CFAP92: variants seen among roughly 807,000 people sequenced by gnomAD.
CFAP92 encodes cilia and flagella associated protein 92 (putative).
A neutral mutation model predicts 106.3 loss-of-function variants in CFAP92; 86 were observed. The observed-to-expected ratio is 0.81, with a 90% CI of 0.68 to 0.97. The LOEUF (loss-of-function observed/expected upper bound fraction) is 0.97. Ranked by LOEUF, CFAP92 falls within the 50% of genes least tolerant of loss-of-function variation. The probability of loss-of-function intolerance (pLI) is 0.00; values close to 1 mark genes in which losing one functional copy is unlikely to be tolerated. For missense variants in CFAP92, 1,204 were observed against 1,283.8 expected, an observed-to-expected ratio of 0.94 and a Z score of 0.95; for synonymous variants, 477 against 506.4, an observed-to-expected ratio of 0.94 and a Z score of 0.78.
In CFAP92 at chr3:128,935,234, C is replaced by T; in HGVS notation, c.2344G>A (p.Ala782Thr). 6.5e-7 allele frequency: 1 copy of T among 1,536,000 alleles called. No homozygotes were observed. The highest frequency in any genetic ancestry group is 8.7e-7 in the Non-Finnish European group (1 of 1,146,806). The change falls in exon 11 of 16, where the codon GCC becomes ACC. Residue 782 changes from alanine (A) to threonine (T), a missense_variant. Transcript: ENST00000645291. Reference protein sequence around the residue: ...FRSRLYGDLEAILYHVHLFQP... With the variant: ...FRSRLYGDLETILYHVHLFQP... ...AAGAGGTGCACGTGGTACAGGATGG[C>T]CTCCAGGTCCCCATAGAGCCGGCTG... is the stretch of plus-strand genomic sequence containing the variant.
chr3:128,991,980 G>A (rs1410298269), intron 2 of CFAP92: 9 of 649,570 alleles, frequency 1.4e-5, no homozygotes, highest in South Asian at 6.7e-5. Flanking sequence ...TCAAAGACTT[G>A]AGGAGTGTTT....
At chr3:128,937,146 C>G (rs1939104384) in intron 10 of CFAP92, among the ~76,000 whole-genome samples, 2 of 151,450 alleles carry the variant, frequency 1.3e-5, no homozygotes, top group Non-Finnish European at 2.9e-5. Context: ...ACAAAAAATA[C>G]AAAAATAATC....
chr3:128,929,711 C>G (rs1466459420), intron 12 of CFAP92, among the ~76,000 whole-genome samples: 1 of 152,170 alleles, frequency 6.6e-6, no homozygotes, highest in Non-Finnish European at 1.5e-5. Context: ...CTGAAATATT[C>G]AGACAAGTCA....
chr3:129,004,150 A>G (rs1445686060), upstream of CFAP92: 7 of 1,371,952 alleles, frequency 5.1e-6, no homozygotes, highest in Admixed American at 3.3e-5. Flanking sequence ...CGGGTGTGCA[A>G]TCCCCCTCCC....
At chr3:128,975,931 A>G (rs768186204) in intron 6 of CFAP92, 28 bp from the exon 7 acceptor site, 1 of 1,581,378 alleles carries the variant, frequency 6.3e-7, no homozygotes, top group Admixed American at 1.9e-5. Flanking sequence ...AGAAAAATTA[A>G]TGAAGGTGAA....
At chr3:128,963,481 C>T (rs1942114510) in intron 9 of CFAP92, among the ~76,000 whole-genome samples, 1 of 152,230 alleles carries the variant, frequency 6.6e-6, no homozygotes, top group East Asian at 1.9e-4. Context: ...CCGGCTCCTT[C>T]AGCTGTACTC....
intron 7 of CFAP92, among the ~76,000 whole-genome samples, chr3:128,974,006 G>A (rs1157693552): frequency 6.6e-6 from 1 of 152,234 alleles, no homozygotes; most frequent in Non-Finnish European, 1.5e-5. Context: ...AATGCTTAAA[G>A]CACATTTTTA....
At chr3:128,993,846 C>T (rs928112735) in intron 1 of CFAP92, 134 bp downstream of exon 1, 3 of 633,402 alleles carry the variant, frequency 4.7e-6, no homozygotes, top group South Asian at 1.2e-4. Context: ...GGCATCAGCT[C>T]AGGCCCATGG....
chr3:128,947,233 A>G (rs1478427577), intron 9 of CFAP92, among the ~76,000 whole-genome samples: 1 of 152,160 alleles, frequency 6.6e-6, no homozygotes, highest in Non-Finnish European at 1.5e-5. Flanking sequence ...CACTGATGAA[A>G]AAAAAAAAAG....
chr3:128,952,294 TAATTAAAATAAA>T (rs1940890381), intron 9 of CFAP92, among the ~76,000 whole-genome samples: 1 of 90,626 alleles, frequency 1.1e-5, no homozygotes, highest in South Asian at 3.2e-4. Context: ...CACATCTAGC[TAATTAAAATAAA>T]AATTAAGAAG....
Position 128,963,998 on chromosome 3 carries a change from T to C in CFAP92, c.1353+1513A>G, listed in dbSNP as rs185356718. Among the ~76,000 whole-genome samples the C allele has an allele frequency of 2.2e-3, 334 of 152,308 alleles. 3 individuals carry two copies. The East Asian group carries it at 0.025, about 11-fold the overall frequency. Reference sequence around the variant, plus strand: ...TCACTGAATAAGTAAAGGCCTTTCCTACAGGGTCTGAGAAGGCCACCGCAG... The same window carrying C: ...TCACTGAATAAGTAAAGGCCTTTCCCACAGGGTCTGAGAAGGCCACCGCAG... On this transcript the variant is annotated intron_variant, in intron 9 of 15. Transcript: ENST00000645291.
the CFAP92 span, among the ~76,000 whole-genome samples, chr3:129,009,953 G>T: frequency 6.6e-6 from 1 of 152,218 alleles, no homozygotes; most frequent in Non-Finnish European, 1.5e-5. Context: ...TTATCCCCAG[G>T]TTCTGTCCGT....
rs1944382721 is a variant in CFAP92, at chr3:128,994,073, G to A, written c.-126C>T. On this transcript the variant is annotated 5_prime_UTR_variant, in exon 1 of 16. Transcript: ENST00000645291. ...AGCCACCTGGGCGAAGAGACTCCAA[G>A]ACTGAGAGGAGCGTCCGCCGGTGCA... is the stretch of plus-strand genomic sequence containing the variant. 6.1e-6 allele frequency: 6 copies of A among 985,968 alleles called. No homozygotes were observed. Among genetic ancestry groups the A allele is most frequent in the Non-Finnish European group, 7.2e-6 (6 of 830,098 alleles). The allele number at this position is 985,968 out of a possible 1,614,324, so 61.1% of individuals were successfully genotyped here. A position where few individuals can be genotyped will look rare whatever the true frequency, so the allele number is the denominator to read the frequency against.
intron 10 of CFAP92, among the ~76,000 whole-genome samples, chr3:128,940,073 C>T (rs1387745703): frequency 2.0e-5 from 3 of 152,134 alleles, no homozygotes; most frequent in Non-Finnish European, 2.9e-5. Flanking sequence ...ATCTTGTGGC[C>T]GGCCGCCTCT....
In CFAP92 at chr3:128,978,252, A is replaced by G. The variant is rs543505917; in HGVS notation, c.668-67T>C. The G allele has an allele frequency of 6.4e-6, 10 of 1,552,044 alleles. No homozygotes were observed. The Admixed American group carries it at 7.4e-5, about 12-fold the overall frequency. ...CAAAATATTTATTGAATTAACTACT[A>G]TGGGCATTTCTTGGAGACACTGGGC... On this transcript the variant is annotated intron_variant, in intron 4 of 15. Transcript: ENST00000645291.
At position 128,961,624 on chromosome 3, in the gene CFAP92, G is replaced by A. The variant is rs565594803; in HGVS notation, c.1353+3887C>T. ...TTTATCCCAAATCAGATAGCGTTTA[G>A]GCTCTTTTTCATCAAATATAAAAAC... is the stretch of plus-strand genomic sequence containing the variant. On this transcript the variant is annotated intron_variant, in intron 9 of 15. Coordinates refer to ENST00000645291, the MANE Select transcript of CFAP92 (RefSeq NM_001394090.1). Among the ~76,000 whole-genome samples, 3 of 152,132 alleles carry A rather than the reference G, an allele frequency of 2.0e-5. No homozygotes were observed. In the East Asian group the frequency reaches 5.8e-4, roughly 29 times the overall value.
chr3:128,964,339 C>A (rs1942195592), intron 9 of CFAP92, among the ~76,000 whole-genome samples: 1 of 150,982 alleles, frequency 6.6e-6, no homozygotes, highest in East Asian at 2.0e-4. Context: ...TTTTATTAGG[C>A]CCCAGTCTCA....
chr3:128,910,377 G>A, intron 15 of CFAP92, 44 bp from the exon 16 acceptor site: 1 of 1,451,370 alleles, frequency 6.9e-7, no homozygotes, highest in South Asian at 1.4e-5. Context: ...TGATCCCAGT[G>A]CCCCTACCCC....
intron 12 of CFAP92, among the ~76,000 whole-genome samples, chr3:128,926,624 G>C (rs553994287): frequency 6.6e-6 from 1 of 152,350 alleles, no homozygotes; most frequent in East Asian, 1.9e-4. Context: ...GGGAAGGACA[G>C]AGAAGGAAGA....
Sources: allele counts gnomAD v4.1 joint callset (sites outside exome capture counted in the v4.1 genomes callset), GRCh38; gene constraint gnomAD v4.1.1; transcripts MANE v1.5; gene names NCBI Gene and HGNC (gene_info 2026-07-23, HGNC 2026-07-21).